YWHAH: variants seen among roughly 807,000 people sequenced by gnomAD.
The protein encoded by YWHAH is tyrosine 3-monooxygenase/tryptophan 5-monooxygenase activation protein eta.
In YWHAH, 6 loss-of-function variants were observed where a neutral mutation model predicts 22.9. That is an observed-to-expected ratio of 0.26 (90% CI 0.14 to 0.52). The LOEUF (loss-of-function observed/expected upper bound fraction) is 0.52, where lower values mean the gene tolerates loss of function less well. YWHAH is among the 20% of genes least tolerant of loss of function. The pLI, the probability that YWHAH is intolerant of heterozygous loss-of-function variation, is 0.97. For missense variants in YWHAH, 173 were observed against 308.6 expected, an observed-to-expected ratio of 0.56 and a Z score of 3.29; for synonymous variants, 135 against 124.5, an observed-to-expected ratio of 1.08 and a Z score of -0.56.
rs2093851057 is a variant in YWHAH at position 31,957,412 on chromosome 22, T to TA, written c.*620_*621insA. 1.3e-5 allele frequency: 2 copies of TA among 152,600 alleles called. No homozygotes were observed. Among genetic ancestry groups the TA allele is most frequent in the Non-Finnish European group, 1.5e-5 (1 of 68,060 alleles). The allele number at this position is 152,600 out of a possible 1,614,324, so 9.5% of individuals were successfully genotyped here. A position where few individuals can be genotyped will look rare whatever the true frequency, so the allele number is the denominator to read the frequency against. Reference sequence around the variant, plus strand: ...AGTTTTGATACTTGTAACTTTTTTTTTTTTTTGGTTGCAATTGTTTAAGAA... The same window carrying TA: ...AGTTTTGATACTTGTAACTTTTTTTTATTTTTTGGTTGCAATTGTTTAAGAA... On this transcript the variant is annotated 3_prime_UTR_variant, in exon 2 of 2. Coordinates refer to ENST00000248975, the MANE Select transcript of YWHAH (RefSeq NM_003405.4).
chr22:31,954,834 C>G (rs2093847564), intron 1 of YWHAH, among the ~76,000 whole-genome samples: 1 of 152,200 alleles, frequency 6.6e-6, no homozygotes, highest in African/African-American at 2.4e-5. Flanking sequence ...ATGACTTCAT[C>G]TTAACTAATT....
At chr22:31,954,922 C>T (rs997962062) in intron 1 of YWHAH, among the ~76,000 whole-genome samples, 4 of 152,146 alleles carry the variant, frequency 2.6e-5, no homozygotes, top group Admixed American at 1.3e-4. Flanking sequence ...TATCTTTTGG[C>T]GGGGGATACA....
At chr22:31,949,136 C>CTTTTTTTTTTTTT (rs760273556) in intron 1 of YWHAH, among the ~76,000 whole-genome samples, 6 of 99,080 alleles carry the variant, frequency 6.1e-5, no homozygotes, top group South Asian at 3.2e-4. Context: ...ACATATTTTA[C>CTTTTTTTTTTTTT]TTTTTTTTTT....
intron 1 of YWHAH, among the ~76,000 whole-genome samples, chr22:31,948,754 G>A (rs551999452): frequency 1.3e-5 from 2 of 152,316 alleles, no homozygotes; most frequent in East Asian, 3.9e-4. Context: ...CACTAACTGG[G>A]CATTTAAAAT....
At chr22:31,950,706 T>TA (rs1377601703) in intron 1 of YWHAH, among the ~76,000 whole-genome samples, 1 of 152,178 alleles carries the variant, frequency 6.6e-6, no homozygotes, top group Admixed American at 6.5e-5. Flanking sequence ...TTTGTGGTCT[T>TA]ACAGAATTGC....
chr22:31,945,233 C>T (rs755433308), intron 1 of YWHAH: 13 of 1,143,158 alleles, frequency 1.1e-5, no homozygotes, highest in South Asian at 3.7e-5. Flanking sequence ...AAAGAATCAC[C>T]TAGTAAGTGG....
chr22:31,947,606 G>A (rs2093836830), intron 1 of YWHAH: 1 of 416,406 alleles, frequency 2.4e-6, no homozygotes, highest in African/African-American at 2.1e-5. Flanking sequence ...CTGAAGTGAA[G>A]CATAAAGGAG....
intron 1 of YWHAH, among the ~76,000 whole-genome samples, chr22:31,954,696 C>T (rs117852587): frequency 0.047 from 7,230 of 152,234 alleles, 258 homozygotes; most frequent in Admixed American, 0.12. Context: ...TGTTCCTTGG[C>T]TTGTAGATGC....
chr22:31,947,421 A>T (rs1266203774), intron 1 of YWHAH: 1 of 471,114 alleles, frequency 2.1e-6, no homozygotes, highest in Admixed American at 2.4e-5. Context: ...CTCACTTGAT[A>T]ATACTGCCTT....
At chr22:31,949,825 T>G (rs2093840533) in intron 1 of YWHAH, among the ~76,000 whole-genome samples, 2 of 152,228 alleles carry the variant, frequency 1.3e-5, no homozygotes, top group Admixed American at 1.3e-4. Flanking sequence ...CAATGCCCCA[T>G]GAGGCAAAGG....
chr22:31,954,483 G>A (rs1390852070), intron 1 of YWHAH, among the ~76,000 whole-genome samples: 1 of 152,074 alleles, frequency 6.6e-6, no homozygotes. Flanking sequence ...ACTCTTGTTA[G>A]GAAACTCTGT....
chr22:31,954,611 C>A (rs1288057525), intron 1 of YWHAH, among the ~76,000 whole-genome samples: 1 of 152,152 alleles, frequency 6.6e-6, no homozygotes, highest in Non-Finnish European at 1.5e-5. Flanking sequence ...GCAGGCCACG[C>A]TCCCTCTGAA....
At chr22:31,947,423 T>TA in intron 1 of YWHAH, 1 of 471,396 alleles carries the variant, frequency 2.1e-6, no homozygotes, top group Non-Finnish European at 4.4e-6. Context: ...CACTTGATAA[T>TA]ACTGCCTTCC....
In YWHAH at chr22:31,956,891, T is replaced by G; in HGVS notation, c.*99T>G. The G allele has an allele frequency of 1.4e-6, 2 of 1,388,154 alleles. No individual in the cohort carries two copies. 86.0% of individuals were successfully genotyped at this position (1,388,154 alleles called of 1,614,324 possible). A position where few individuals can be genotyped will look rare whatever the true frequency, so the allele number is the denominator to read the frequency against. On this transcript the variant is annotated 3_prime_UTR_variant, in exon 2 of 2. Coordinates refer to ENST00000248975, the MANE Select transcript of YWHAH (RefSeq NM_003405.4). The surrounding 1 kb of genome is among the most constrained non-coding windows in gnomAD (Gnocchi z 5.1). ...CTAAATATCTAGTGCTAAACCTATC[T>G]GTATTGGCAGCACAGCTACTCAGAT...
intron 1 of YWHAH, 82 bp downstream of exon 1, chr22:31,944,902 C>A: frequency 8.5e-7 from 1 of 1,180,650 alleles, no homozygotes; most frequent in South Asian, 3.3e-5. Context: ...GGCGCGTTCC[C>A]CTCCCGGCCA....
At chr22:31,949,035 T>G (rs573324129) in intron 1 of YWHAH, among the ~76,000 whole-genome samples, 8 of 152,336 alleles carry the variant, frequency 5.3e-5, no homozygotes, top group African/African-American at 1.9e-4. Flanking sequence ...AGTGACAGAC[T>G]GTAGCGTCAC....
At position 31,957,158 on chromosome 22, in the gene YWHAH, A is replaced by G. The variant is rs573218026; in HGVS notation, c.*366A>G. The G allele has an allele frequency of 1.1e-5, 2 of 188,986 alleles. No individual in the cohort carries two copies. Among genetic ancestry groups the G allele is most frequent in the South Asian group, 1.1e-4 (1 of 8,750 alleles). 11.7% of individuals were successfully genotyped at this position (188,986 alleles called of 1,614,324 possible). On this transcript the variant is annotated 3_prime_UTR_variant, in exon 2 of 2. Coordinates refer to ENST00000248975, the MANE Select transcript of YWHAH (RefSeq NM_003405.4). The stretch of plus-strand genomic sequence containing the variant: ...AAAGATCCATTTAAAACAAGCTGAT[A>G]GTGTTTCGTTAAGCAGTACATCTTG...
chr22:31,951,678 T>G (rs562345142), intron 1 of YWHAH, among the ~76,000 whole-genome samples: 9 of 152,272 alleles, frequency 5.9e-5, no homozygotes, highest in African/African-American at 2.2e-4. Context: ...GATAAGTGAA[T>G]GATCAGCAGG....
At chr22:31,949,949 G>A (rs996325475) in intron 1 of YWHAH, among the ~76,000 whole-genome samples, 2 of 143,956 alleles carry the variant, frequency 1.4e-5, no homozygotes, top group Non-Finnish European at 3.2e-5. Context: ...TCTGTTGGGT[G>A]CAAGTCATTT....
Sources: allele counts gnomAD v4.1 joint callset (sites outside exome capture counted in the v4.1 genomes callset), GRCh38; gene constraint gnomAD v4.1.1; non-coding constraint Gnocchi (gnomAD v3.1); transcripts MANE v1.5; gene names NCBI Gene and HGNC (gene_info 2026-07-23, HGNC 2026-07-21).